PTPRD: variants seen among roughly 807,000 people sequenced by gnomAD.
PTPRD encodes protein tyrosine phosphatase receptor type D.
Under a neutral mutation model 214.5 loss-of-function variants are expected in PTPRD, and 34 were observed. That is an observed-to-expected ratio of 0.16 (90% CI 0.12 to 0.21). The LOEUF (loss-of-function observed/expected upper bound fraction) is 0.21, where lower values mean the gene tolerates loss of function less well. Ranked by LOEUF, PTPRD falls within the 10% of genes least tolerant of loss-of-function variation. The pLI, the probability that PTPRD is intolerant of heterozygous loss-of-function variation, is 1.00. For synonymous variants in PTPRD, 1,128 were observed against 845.7 expected, an observed-to-expected ratio of 1.33 and a Z score of -5.79; for missense variants, 2,545 against 2,398.7, an observed-to-expected ratio of 1.06 and a Z score of -1.27.
At chr9:8,504,727 G>C (rs1224072070) in intron 22 of PTPRD, among the ~76,000 whole-genome samples, 1 of 152,192 alleles carries the variant, frequency 6.6e-6, no homozygotes, top group Non-Finnish European at 1.5e-5. Context: ...CGTTAAATGT[G>C]TGTATGTTGC....
At chr9:8,894,899 G>C (rs914902209) in intron 11 of PTPRD, among the ~76,000 whole-genome samples, 2 of 152,148 alleles carry the variant, frequency 1.3e-5, no homozygotes, top group African/African-American at 4.8e-5. Flanking sequence ...TCAACAGAGA[G>C]AGAGACAACA....
intron 7 of PTPRD, among the ~76,000 whole-genome samples, chr9:9,649,072 G>C (rs1243311636): frequency 6.6e-6 from 1 of 152,092 alleles, no homozygotes; most frequent in African/African-American, 2.4e-5. Context: ...AATTGGGCGA[G>C]AGTTTGGGAG....
chr9:10,099,002 T>C (rs1264385237), intron 3 of PTPRD, among the ~76,000 whole-genome samples: 1 of 151,794 alleles, frequency 6.6e-6, no homozygotes, highest in African/African-American at 2.4e-5. Context: ...GTACCCTCTT[T>C]TGACAATATC....
At chr9:10,583,290 C>T (rs1188887193) in intron 2 of PTPRD, among the ~76,000 whole-genome samples, 2 of 151,898 alleles carry the variant, frequency 1.3e-5, no homozygotes, top group Admixed American at 1.3e-4. Context: ...AGGACAAAAG[C>T]TAACATGTGA....
intron 5 of PTPRD, among the ~76,000 whole-genome samples, chr9:9,904,378 G>A (rs553182952): frequency 6.6e-6 from 1 of 151,114 alleles, no homozygotes; most frequent in Non-Finnish European, 1.5e-5. Context: ...GAAGATTGGG[G>A]AAAAGGACTA....
chr9:10,001,756 T>C (rs1468363116), intron 4 of PTPRD, among the ~76,000 whole-genome samples: 1 of 152,084 alleles, frequency 6.6e-6, no homozygotes, highest in Non-Finnish European at 1.5e-5. Context: ...CTAAAGGAAT[T>C]CGTCACTAGT....
intron 4 of PTPRD, among the ~76,000 whole-genome samples, chr9:10,030,086 C>T (rs564324469): frequency 1.1e-4 from 17 of 152,122 alleles, no homozygotes; most frequent in East Asian, 3.9e-4. Context: ...TTTCACCTTC[C>T]GCCATGATTG....
chr9:8,619,316 G>A (rs2154298728), intron 14 of PTPRD, among the ~76,000 whole-genome samples: 1 of 151,866 alleles, frequency 6.6e-6, no homozygotes, highest in South Asian at 2.1e-4. Flanking sequence ...TAACTGAAAT[G>A]TTCTATCCTT....
intron 5 of PTPRD, among the ~76,000 whole-genome samples, chr9:9,813,398 G>C (rs1406359720): frequency 6.6e-6 from 1 of 151,472 alleles, no homozygotes; most frequent in Non-Finnish European, 1.5e-5. Flanking sequence ...AGCAAAAATA[G>C]AACAAAAGAC....
intron 2 of PTPRD, among the ~76,000 whole-genome samples, chr9:10,352,793 C>T (rs937002684): frequency 6.6e-6 from 1 of 151,960 alleles, no homozygotes; most frequent in Non-Finnish European, 1.5e-5. Context: ...AAGGTAAGTA[C>T]AATCTGCAAA....
intron 11 of PTPRD, among the ~76,000 whole-genome samples, chr9:8,842,843 C>A (rs2097585773): frequency 6.6e-6 from 1 of 152,154 alleles, no homozygotes; most frequent in Non-Finnish European, 1.5e-5. Flanking sequence ...GACGGTGTTT[C>A]ACATCCCCAG....
chr9:10,111,236 T>C (rs1203281570), intron 3 of PTPRD, among the ~76,000 whole-genome samples: 1 of 126,344 alleles, frequency 7.9e-6, no homozygotes, highest in Non-Finnish European at 1.6e-5. Context: ...TTTCTTTTTT[T>C]TTTTTTTTTT....
chr9:10,101,561 T>C (rs1184834668), intron 3 of PTPRD, among the ~76,000 whole-genome samples: 2 of 151,680 alleles, frequency 1.3e-5, no homozygotes, highest in Non-Finnish European at 3.0e-5. Flanking sequence ...GCTTTTACCA[T>C]AGAAGGATCA....
At chr9:8,891,886 C>T (rs759062571) in intron 11 of PTPRD, among the ~76,000 whole-genome samples, 10 of 152,140 alleles carry the variant, frequency 6.6e-5, no homozygotes, top group African/African-American at 1.2e-4. Flanking sequence ...TCTAAATCAA[C>T]GTCTATGTCT....
chr9:9,193,831 G>A (rs1340825582), intron 9 of PTPRD, among the ~76,000 whole-genome samples: 4 of 152,062 alleles, frequency 2.6e-5, no homozygotes, highest in South Asian at 2.1e-4. Context: ...GACTTTATAC[G>A]CACTGTAAAC....
chr9:8,360,328 A>G (rs1266472585), intron 39 of PTPRD, among the ~76,000 whole-genome samples: 1 of 152,222 alleles, frequency 6.6e-6, no homozygotes, highest in African/African-American at 2.4e-5. Context: ...GTTGATATTA[A>G]AAACACTAAA....
chr9:8,501,254 G>C (rs2097399294), intron 23 of PTPRD, among the ~76,000 whole-genome samples, 195 bp from the exon 24 acceptor site: 1 of 152,098 alleles, frequency 6.6e-6, no homozygotes, highest in Non-Finnish European at 1.5e-5. Flanking sequence ...ACCAAAAAGA[G>C]AATTAATGAC....
At chr9:9,433,050 G>C (rs1291130022) in intron 8 of PTPRD, among the ~76,000 whole-genome samples, 1 of 152,168 alleles carries the variant, frequency 6.6e-6, no homozygotes, top group African/African-American at 2.4e-5. Context: ...ATAAGAGTGT[G>C]TGTGTTAGGA....
intron 9 of PTPRD, among the ~76,000 whole-genome samples, chr9:9,211,037 T>A (rs751488030): frequency 1.3e-5 from 2 of 152,130 alleles, no homozygotes; most frequent in African/African-American, 4.8e-5. Context: ...TTAAAGAGCA[T>A]TTGTTTTTGT....
Sources: allele counts gnomAD v4.1 joint callset (sites outside exome capture counted in the v4.1 genomes callset), GRCh38; gene constraint gnomAD v4.1.1; transcripts MANE v1.5; gene names NCBI Gene and HGNC (gene_info 2026-07-23, HGNC 2026-07-21).